SLC47A1: variants seen among roughly 807,000 people sequenced by gnomAD.
SLC47A1 encodes the protein solute carrier family 47 member 1.
A neutral mutation model predicts 65.8 loss-of-function variants in SLC47A1; 58 were observed. The ratio of observed to expected loss-of-function variants is 0.88; its 90% CI spans 0.71 to 1.10. The LOEUF (loss-of-function observed/expected upper bound fraction) is 1.10. Among genes scored for constraint, SLC47A1 ranks in the 50% least tolerant of loss-of-function variants. The probability of loss-of-function intolerance (pLI) is 0.00; values close to 1 mark genes in which losing one functional copy is unlikely to be tolerated. For missense variants in SLC47A1, 706 were observed against 719.2 expected (o/e 0.98, Z 0.21); for synonymous variants, 285 against 295.0 (o/e 0.97, Z 0.35).
intron 2 of SLC47A1, among the ~76,000 whole-genome samples, chr17:19,542,928 G>T (rs1243589636): frequency 3.3e-5 from 5 of 149,744 alleles, no homozygotes; most frequent in Non-Finnish European, 7.4e-5. Context: ...AGTAGCTGGG[G>T]TTACAGGCGT....
chr17:19,549,137 A>C (rs1916373746), intron 4 of SLC47A1, among the ~76,000 whole-genome samples: 1 of 152,158 alleles, frequency 6.6e-6, no homozygotes, highest in South Asian at 2.1e-4. Context: ...AAAATAATCA[A>C]GAAAGGTTAT....
chr17:19,536,462 GA>G (rs989918433), intron 1 of SLC47A1, among the ~76,000 whole-genome samples: 4 of 151,826 alleles, frequency 2.6e-5, no homozygotes, highest in African/African-American at 9.7e-5. Flanking sequence ...ATTTACTGTA[GA>G]AAAAAATAGA....
At chr17:19,569,043 C>T (rs1000272096) in intron 14 of SLC47A1, among the ~76,000 whole-genome samples, 1 of 151,960 alleles carries the variant, frequency 6.6e-6, no homozygotes, top group Admixed American at 6.6e-5. Flanking sequence ...CATCTGTATC[C>T]CAAGTGCCGT....
intron 14 of SLC47A1, among the ~76,000 whole-genome samples, chr17:19,571,225 C>T (rs530594806): frequency 3.9e-5 from 6 of 152,100 alleles, no homozygotes; most frequent in East Asian, 1.9e-4. Flanking sequence ...ATATTTGTTC[C>T]GAAATCCTGA....
At position 19,578,046 on chromosome 17, in the gene SLC47A1, G is replaced by A. The variant is rs967738041; in HGVS notation, c.*493G>A. 33 of 1,074,526 alleles carry A rather than the reference G, an allele frequency of 3.1e-5. No individual in the cohort carries two copies. The highest frequency in any genetic ancestry group is 3.0e-5 in the Non-Finnish European group (24 of 794,090). The allele number at this position is 1,074,526 out of a possible 1,614,324, so 66.6% of individuals were successfully genotyped here. On this transcript the variant is annotated 3_prime_UTR_variant, in exon 17 of 17. Coordinates refer to ENST00000270570, the MANE Select transcript of SLC47A1 (RefSeq NM_018242.3). The stretch of plus-strand genomic sequence containing the variant: ...CATGCAGGCTGGAGTGCGGTGGTGC[G>A]ATCATAGCTCACTGCAGCCTCGAAC...
chr17:19,567,083 T>A lies in SLC47A1; in HGVS notation c.1177-13T>A, dbSNP rs767015368. ...GGATGTGTTCACAGTGATGGAATGC[T>A]CTCTGCCTGCAGTGCACGAGTGGTG... On this transcript the variant is annotated splice_polypyrimidine_tract_variant and intron_variant, in intron 13 of 16. Transcript: ENST00000270570. 6.2e-7 allele frequency: 1 copy of A among 1,614,212 alleles called. No homozygotes were observed. The highest frequency in any genetic ancestry group is 2.2e-5 in the East Asian group (1 of 44,886).
Position 19,572,876 on chromosome 17 carries a change from C to T in SLC47A1, c.1486+15C>T, listed in dbSNP as rs2084411186. 1.2e-6 allele frequency: 2 copies of T among 1,613,078 alleles called. No individual in the cohort carries two copies. Among genetic ancestry groups the T allele is most frequent in the Non-Finnish European group, 1.7e-6 (2 of 1,179,164 alleles). On this transcript the variant is annotated intron_variant, in intron 16 of 16. Transcript: ENST00000270570. ...GCTTCACCCAGGTAAGATATGACTC[C>T]CTCAGCCCTTGGACAGGCCTGTCTA... is the stretch of plus-strand genomic sequence containing the variant.
intron 1 of SLC47A1, among the ~76,000 whole-genome samples, chr17:19,537,220 C>A (rs1916011172): frequency 6.6e-6 from 1 of 152,212 alleles, no homozygotes; most frequent in Non-Finnish European, 1.5e-5. Context: ...TGGGAAGGAG[C>A]TGGCGGACCT....
intron 12 of SLC47A1, among the ~76,000 whole-genome samples, chr17:19,561,385 T>C (rs1454143438): frequency 6.6e-6 from 1 of 152,018 alleles, no homozygotes; most frequent in African/African-American, 2.4e-5. Flanking sequence ...GGCTCACACC[T>C]GTAATCCCAG....
At chr17:19,551,840 A>G (rs1028013412) in intron 6 of SLC47A1, among the ~76,000 whole-genome samples, 7 of 152,238 alleles carry the variant, frequency 4.6e-5, no homozygotes, top group African/African-American at 1.7e-4. Context: ...GGCTGGGGGC[A>G]GCTCGTCTGG....
chr17:19,574,328 C>G (rs2084422770), intron 16 of SLC47A1, among the ~76,000 whole-genome samples: 1 of 152,106 alleles, frequency 6.6e-6, no homozygotes, highest in Admixed American at 6.5e-5. Flanking sequence ...CGCCAAAGCC[C>G]TGGTCAGCGT....
chr17:19,557,897 C>CA (rs67441443), intron 10 of SLC47A1: 4,071 of 142,746 alleles, frequency 0.029, 174 homozygotes, highest in African/African-American at 0.091. Context: ...ACTTTCCCTC[C>CA]AAAAAAAAAA....
rs1916393842 is a variant in SLC47A1, at chr17:19,549,692, G to A, written c.498+15G>A. 1 of 1,614,028 alleles carries A rather than the reference G, an allele frequency of 6.2e-7. No homozygotes were observed. The highest frequency in any genetic ancestry group is 8.5e-7 in the Non-Finnish European group (1 of 1,179,892). On this transcript the variant is annotated intron_variant, in intron 5 of 16. Transcript: ENST00000270570. ...CAGCTCTTCCTGTAAGTGCTCAAGG[G>A]CTAAGAGATTCCCTTCTTGGGGTCC...
In SLC47A1 at chr17:19,551,479, C is replaced by A; in HGVS notation, c.543+11C>A. ...TATTTGCTCAACCAGGTAATACTGA[C>A]TGTTCTCTTCCTTTGGGAGGCTAAT... On this transcript the variant is annotated intron_variant, in intron 6 of 16. Transcript: ENST00000270570. 6.2e-7 allele frequency: 1 copy of A among 1,608,212 alleles called. No individual in the cohort carries two copies. Among genetic ancestry groups the A allele is most frequent in the Non-Finnish European group, 8.5e-7 (1 of 1,174,650 alleles).
At chr17:19,559,979 C>A in intron 10 of SLC47A1, 1 of 540,420 alleles carries the variant, frequency 1.9e-6, no homozygotes, top group Non-Finnish European at 3.3e-6. Flanking sequence ...CAGCAAAGCC[C>A]AGTTTGTGCT....
At chr17:19,549,609 G>A in intron 4 of SLC47A1, 26 bp from the exon 5 acceptor site, 1 of 1,612,622 alleles carries the variant, frequency 6.2e-7, no homozygotes, top group African/African-American at 1.3e-5. Flanking sequence ...CACAGTTTTT[G>A]TTTTCTTTTT....
intron 15 of SLC47A1, among the ~76,000 whole-genome samples, chr17:19,572,456 G>T (rs1318566436): frequency 2.0e-5 from 3 of 151,990 alleles, no homozygotes; most frequent in Non-Finnish European, 4.4e-5. Flanking sequence ...ACCATGCCTG[G>T]CTGTTTTTTT....
At chr17:19,571,175 T>G (rs1053881778) in intron 14 of SLC47A1, 26 of 226,954 alleles carry the variant, frequency 1.1e-4, no homozygotes, top group Admixed American at 1.1e-4. Flanking sequence ...TTTCTTAATA[T>G]TCAAGCATTA....
intron 2 of SLC47A1, among the ~76,000 whole-genome samples, chr17:19,545,002 G>A (rs1428652978): frequency 6.6e-6 from 1 of 152,208 alleles, no homozygotes; most frequent in African/African-American, 2.4e-5. Flanking sequence ...TCTCTCTGAG[G>A]AGTTTGGGGC....
Sources: allele counts gnomAD v4.1 joint callset (sites outside exome capture counted in the v4.1 genomes callset), GRCh38; gene constraint gnomAD v4.1.1; transcripts MANE v1.5; gene names NCBI Gene and HGNC (gene_info 2026-07-23, HGNC 2026-07-21).